The following FAM135B variants were observed in gnomAD, a reference collection of about 807,000 sequenced individuals.
The protein encoded by FAM135B is protein FAM135B.
In FAM135B, 43 loss-of-function variants were observed where a neutral mutation model predicts 127.7. The ratio of observed to expected loss-of-function variants is 0.34; its 90% confidence interval spans 0.26 to 0.43. The LOEUF (loss-of-function observed/expected upper bound fraction) is 0.43, where lower values mean the gene tolerates loss of function less well. Among genes scored for constraint, FAM135B ranks in the 20% least tolerant of loss-of-function variants. The pLI is 1.00. For missense variants in FAM135B, 1,558 were observed against 1,725.6 expected, an observed-to-expected ratio of 0.90 and a Z score of 1.72; for synonymous variants, 670 against 665.1, an observed-to-expected ratio of 1.01 and a Z score of -0.11.
intron 2 of FAM135B, among the ~76,000 whole-genome samples, chr8:138,315,102 A>C (rs934892300): frequency 2.0e-5 from 3 of 152,144 alleles, no homozygotes; most frequent in African/African-American, 7.2e-5. Flanking sequence ...TAAGAAAATC[A>C]TGCAACTCAA....
intron 7 of FAM135B, among the ~76,000 whole-genome samples, chr8:138,229,205 T>A (rs1451303348): frequency 6.6e-6 from 1 of 152,146 alleles, no homozygotes; most frequent in Non-Finnish European, 1.5e-5. Context: ...CTCCATGCAT[T>A]GCCCCTGCTG....
At chr8:138,493,950 A>C (rs762014487) in intron 1 of FAM135B, among the ~76,000 whole-genome samples, 2 of 152,258 alleles carry the variant, frequency 1.3e-5, no homozygotes, top group Non-Finnish European at 2.9e-5. Flanking sequence ...CTTTTTTACT[A>C]TACTGGAGCT....
chr8:138,247,722 A>G (rs1343551114), intron 6 of FAM135B, among the ~76,000 whole-genome samples: 1 of 152,152 alleles, frequency 6.6e-6, no homozygotes, highest in Non-Finnish European at 1.5e-5. Context: ...AGTCTAACCA[A>G]CTCAAAGCTG....
intron 1 of FAM135B, among the ~76,000 whole-genome samples, chr8:138,457,840 C>T (rs983764584): frequency 6.6e-6 from 1 of 151,882 alleles, no homozygotes; most frequent in African/African-American, 2.4e-5. Flanking sequence ...AGCCAGGCGC[C>T]CTGATGGGCA....
chr8:138,483,275 C>T (rs537840868), intron 1 of FAM135B, among the ~76,000 whole-genome samples: 126 of 152,292 alleles, frequency 8.3e-4, no homozygotes, highest in Non-Finnish European at 1.5e-3. Context: ...CAACTTTACA[C>T]ATGAAGAAAT....
At chr8:138,461,274 T>G (rs1362218514) in intron 1 of FAM135B, among the ~76,000 whole-genome samples, 2 of 152,128 alleles carry the variant, frequency 1.3e-5, no homozygotes, top group African/African-American at 4.8e-5. Flanking sequence ...ACCAGGGTGC[T>G]GGGGATGCAT....
rs112010346 is a variant in FAM135B at position 138,470,173 on chromosome 8, A to C, written c.-20+26498T>G. Reference sequence around the variant, plus strand: ...AAAGAAGCATTGACTCTCAGGCAGGAGCCCTAAGACAGGAGAAAACACAAA... The same window carrying C: ...AAAGAAGCATTGACTCTCAGGCAGGCGCCCTAAGACAGGAGAAAACACAAA... On this transcript the variant is annotated intron_variant, in intron 1 of 19. Transcript: ENST00000395297. 4.6e-3 allele frequency among the ~76,000 whole-genome samples: 699 copies of C among 152,320 alleles called. 4 individuals are homozygous for C. The highest frequency in any genetic ancestry group is 0.016 in the African/African-American group (667 of 41,574).
At chr8:138,329,163 G>A (rs1262409733) in intron 2 of FAM135B, among the ~76,000 whole-genome samples, 1 of 152,192 alleles carries the variant, frequency 6.6e-6, no homozygotes, top group Non-Finnish European at 1.5e-5. Context: ...AGGTAAATAG[G>A]AGATACAGAT....
intron 2 of FAM135B, among the ~76,000 whole-genome samples, chr8:138,336,189 T>C (rs1378301595): frequency 6.6e-6 from 1 of 151,640 alleles, no homozygotes; most frequent in East Asian, 1.9e-4. Flanking sequence ...ACATCACAAT[T>C]AAAAGAACTA....
At chr8:138,214,166 C>T (rs1818361871) in intron 7 of FAM135B, among the ~76,000 whole-genome samples, 1 of 152,088 alleles carries the variant, frequency 6.6e-6, no homozygotes, top group Non-Finnish European at 1.5e-5. Context: ...CAACAGAGAT[C>T]CCAGGAAATG....
intron 2 of FAM135B, among the ~76,000 whole-genome samples, chr8:138,324,757 G>A (rs1353223495): frequency 6.6e-6 from 1 of 152,178 alleles, no homozygotes; most frequent in African/African-American, 2.4e-5. Context: ...AAATTGGAGA[G>A]CCTGAGACTC....
intron 2 of FAM135B, among the ~76,000 whole-genome samples, chr8:138,348,019 T>C (rs1011912471): frequency 6.6e-6 from 1 of 152,032 alleles, no homozygotes; most frequent in East Asian, 1.9e-4. Context: ...TTTACTGTTG[T>C]TATCCCAGTG....
intron 2 of FAM135B, among the ~76,000 whole-genome samples, chr8:138,344,082 C>A (rs5021073): frequency 2.0e-5 from 3 of 152,156 alleles, no homozygotes; most frequent in Non-Finnish European, 4.4e-5. Flanking sequence ...GACAGGCATC[C>A]AGGTGAGAGA....
At chr8:138,277,963 T>C (rs565718164) in intron 3 of FAM135B, among the ~76,000 whole-genome samples, 2 of 152,196 alleles carry the variant, frequency 1.3e-5, no homozygotes, top group African/African-American at 2.4e-5. Flanking sequence ...CTTGAATAAA[T>C]GTTATGATTT....
intron 15 of FAM135B, among the ~76,000 whole-genome samples, chr8:138,145,411 C>A (rs1183184626): frequency 6.6e-6 from 1 of 152,158 alleles, no homozygotes; most frequent in East Asian, 1.9e-4. Context: ...ATCCTCCTCT[C>A]CAGCACAGCC....
intron 18 of FAM135B, 71 bp downstream of exon 18, chr8:138,138,915 T>C: frequency 2.1e-6 from 2 of 955,974 alleles, no homozygotes; most frequent in Non-Finnish European, 3.4e-6. Context: ...TAGCATTATA[T>C]CTCATTTGTG....
chr8:138,461,843 A>C (rs1370050390), intron 1 of FAM135B, among the ~76,000 whole-genome samples: 2 of 152,152 alleles, frequency 1.3e-5, no homozygotes, highest in Non-Finnish European at 2.9e-5. Flanking sequence ...ATACTCAAAA[A>C]TGCTGATCTT....
chr8:138,357,668 GA>G (rs1285265366), intron 2 of FAM135B, among the ~76,000 whole-genome samples: 4 of 149,260 alleles, frequency 2.7e-5, no homozygotes, highest in South Asian at 4.3e-4. Context: ...CAATTCATGG[GA>G]AAAAAAAACA....
chr8:138,386,950 C>T (rs1038190395), intron 1 of FAM135B, among the ~76,000 whole-genome samples: 3 of 152,058 alleles, frequency 2.0e-5, no homozygotes, highest in African/African-American at 7.2e-5. Flanking sequence ...CTATACAGAA[C>T]GCCTGCCACA....
Sources: allele counts gnomAD v4.1 joint callset (sites outside exome capture counted in the v4.1 genomes callset), GRCh38; gene constraint gnomAD v4.1.1; transcripts MANE v1.5; gene names NCBI Gene and HGNC (gene_info 2026-07-23, HGNC 2026-07-21).